Variants in RPL37 observed in about 807,000 individuals in gnomAD.
RPL37 encodes ribosomal protein L37.
In RPL37, 1 loss-of-function variant was observed where a neutral mutation model predicts 14.8. The observed-to-expected ratio is 0.07, with a 90% CI of 0.02 to 0.32. The LOEUF (loss-of-function observed/expected upper bound fraction) is 0.32, where lower values mean the gene tolerates loss of function less well. Ranked by LOEUF, RPL37 falls within the 10% of genes least tolerant of loss-of-function variation. The probability of loss-of-function intolerance (pLI) is 1.00; values close to 1 mark genes in which losing one functional copy is unlikely to be tolerated. For synonymous variants in RPL37, 53 were observed against 45.8 expected (o/e 1.16, Z -0.63); for missense variants, 100 against 128.3 (o/e 0.78, Z 1.06).
At position 40,830,027 on chromosome 5, in the gene RPL37, A is replaced by G. The variant is rs1002438167; in HGVS notation, c.*2477T>C. On this transcript the variant is annotated 3_prime_UTR_variant, in exon 4 of 4. Transcript: ENST00000274242. ...GTAACTTTACAGAACATAACCAGTTACATGTGGAAACAGGTAGTCTGCTTT... is the reference window on the plus strand; with the variant it reads ...GTAACTTTACAGAACATAACCAGTTGCATGTGGAAACAGGTAGTCTGCTTT... The G allele has an allele frequency of 2.0e-5, 3 of 152,108 alleles. No individual in the cohort carries two copies. Among genetic ancestry groups the G allele is most frequent in the African/African-American group, 7.2e-5 (3 of 41,418 alleles). 9.4% of individuals were successfully genotyped at this position (152,108 alleles called of 1,614,324 possible).
intron 3 of RPL37, among the ~76,000 whole-genome samples, chr5:40,833,588 C>G (rs937194460): frequency 1.3e-5 from 2 of 152,112 alleles, no homozygotes; most frequent in African/African-American, 4.8e-5. Flanking sequence ...GCACTCTTGC[C>G]CACAGCCACT....
intron 3 of RPL37, 67 bp from the exon 4 acceptor site, chr5:40,832,640 TA>T: frequency 8.3e-7 from 1 of 1,202,148 alleles, no homozygotes; most frequent in African/African-American, 1.5e-5. Flanking sequence ...TAATTTTTGT[TA>T]AACAGATTTC....
rs1745659148 is a variant in RPL37 at position 40,832,322 on chromosome 5, C to A, written c.*182G>T. Reference sequence around the variant, plus strand: ...CCTTTAACCGTGTTACAAACCCAGTCCAAAAGTAAACATTCCAAAACAGTC... The same window carrying A: ...CCTTTAACCGTGTTACAAACCCAGTACAAAAGTAAACATTCCAAAACAGTC... On this transcript the variant is annotated 3_prime_UTR_variant, in exon 4 of 4. Coordinates refer to ENST00000274242, the MANE Select transcript of RPL37 (RefSeq NM_000997.5). 1.5e-6 allele frequency: 1 copy of A among 651,456 alleles called. No homozygotes were observed. Among genetic ancestry groups the A allele is most frequent in the Non-Finnish European group, 2.8e-6 (1 of 354,068 alleles). 40.4% of individuals were successfully genotyped at this position (651,456 alleles called of 1,614,324 possible).
rs780365178 is a variant in RPL37, at chr5:40,832,646, G to A, written c.225-73C>T. ...CATACATTTTAATTTTTGTTAAACA[G>A]ATTTCAATGCGCTTATCTCAGTTAA... On this transcript the variant is annotated intron_variant, in intron 3 of 3. Coordinates refer to ENST00000274242, the MANE Select transcript of RPL37 (RefSeq NM_000997.5). The A allele has an allele frequency of 2.7e-6, 3 of 1,092,490 alleles. No individual in the cohort carries two copies. In the South Asian group the frequency reaches 3.7e-5, roughly 14 times the overall value. 67.7% of individuals were successfully genotyped at this position (1,092,490 alleles called of 1,614,324 possible). A position where few individuals can be genotyped will look rare whatever the true frequency, so the allele number is the denominator to read the frequency against.
At chr5:40,834,816 T>C (rs1484682793) in intron 1 of RPL37, among the ~76,000 whole-genome samples, 1 of 152,148 alleles carries the variant, frequency 6.6e-6, no homozygotes, top group Non-Finnish European at 1.5e-5. Context: ...TGTTCTGAAA[T>C]GCACCTTATC....
Position 40,834,556 on chromosome 5 carries a change from C to G in RPL37, c.54G>C (p.Leu18Phe). ...AGGCCTTAGAGCCACAGCGGCGGCA[C>G]AACGTGTGCGTCTTATTGCGACGCT... The part of the protein sequence containing the change: ...FGKRRNKTHT[L>F]CRRCGSKAYH... Residue 18 changes from leucine to phenylalanine, a missense_variant, in exon 2 of 4, where the codon TTG becomes TTC. Around this residue, in one of 2 missense-constraint regions of RPL37, gnomAD observed 26 missense variants for 58.3 expected, o/e 0.45. Coordinates refer to ENST00000274242, the MANE Select transcript of RPL37 (RefSeq NM_000997.5). 1 of 1,614,174 alleles carries G rather than the reference C, an allele frequency of 6.2e-7. No homozygotes were observed. Among genetic ancestry groups the G allele is most frequent in the Non-Finnish European group, 8.5e-7 (1 of 1,180,022 alleles).
In RPL37 at chr5:40,834,576, G is replaced by T; in HGVS notation, c.34C>A (p.Arg12Ser). Reference sequence around the variant, plus strand: ...CGGCACAACGTGTGCGTCTTATTGCGACGCTTTCCAAACGATGACGTTCCC... The same window carrying T: ...CGGCACAACGTGTGCGTCTTATTGCTACGCTTTCCAAACGATGACGTTCCC... ...TKGTSSFGKRRNKTHTLCRRC... is the reference protein window; with the variant it reads ...TKGTSSFGKRSNKTHTLCRRC... The change falls in exon 2 of 4, where the codon CGC (arginine) becomes AGC (serine). Residue 12 changes from arginine to serine, a missense_variant. Around this residue, in one of 2 missense-constraint regions of RPL37, gnomAD observed 26 missense variants for 58.3 expected, o/e 0.45. Coordinates refer to ENST00000274242, the MANE Select transcript of RPL37 (RefSeq NM_000997.5). 2 of 1,613,646 alleles carry T rather than the reference G, an allele frequency of 1.2e-6. No homozygotes were observed. Among genetic ancestry groups the T allele is most frequent in the Non-Finnish European group, 1.7e-6 (2 of 1,179,882 alleles).
chr5:40,833,481 C>T (rs1246956025), intron 3 of RPL37, among the ~76,000 whole-genome samples: 1 of 152,182 alleles, frequency 6.6e-6, no homozygotes, highest in African/African-American at 2.4e-5. Context: ...TCAGCTAAGT[C>T]TACGGCGGAG....
chr5:40,825,299 C>A lies in RPL37; in HGVS notation c.*7205G>T, dbSNP rs1745487813. ...ATATCTTTATTAAAGAAATGCATTC[C>A]AGCAACACTGTCAGCATCTTTATTA... On this transcript the variant is annotated 3_prime_UTR_variant, in exon 4 of 4. Coordinates refer to ENST00000274242, the MANE Select transcript of RPL37 (RefSeq NM_000997.5). 1.3e-5 allele frequency: 2 copies of A among 152,118 alleles called. No individual in the cohort carries two copies. Among genetic ancestry groups the A allele is most frequent in the African/African-American group, 4.8e-5 (2 of 41,408 alleles). The allele number at this position is 152,118 out of a possible 1,614,324, so 9.4% of individuals were successfully genotyped here. A position where few individuals can be genotyped will look rare whatever the true frequency, so the allele number is the denominator to read the frequency against.
In RPL37 at chr5:40,831,107, A is replaced by C. The variant is rs1316916162; in HGVS notation, c.*1397T>G. The C allele has an allele frequency of 6.6e-6, 1 of 152,020 alleles. No individual in the cohort carries two copies. The highest frequency in any genetic ancestry group is 2.4e-5 in the African/African-American group (1 of 41,400). The allele number at this position is 152,020 out of a possible 1,614,324, so 9.4% of individuals were successfully genotyped here. A position where few individuals can be genotyped will look rare whatever the true frequency, so the allele number is the denominator to read the frequency against. On this transcript the variant is annotated 3_prime_UTR_variant, in exon 4 of 4. Transcript: ENST00000274242. ...GAATACAAAAAGAATTAGTCGAGTG[A>C]ATCTCCATCTCTACAAAAAACACAA... is the stretch of plus-strand genomic sequence containing the variant.
intron 1 of RPL37, among the ~76,000 whole-genome samples, 175 bp from the exon 2 acceptor site, chr5:40,834,781 C>T (rs1745729172): frequency 6.6e-6 from 1 of 152,216 alleles, no homozygotes; most frequent in Non-Finnish European, 1.5e-5. Flanking sequence ...TTCACGTTAC[C>T]TAAAACCCTC....
intron 3 of RPL37, among the ~76,000 whole-genome samples, chr5:40,833,726 T>C (rs1437819423): frequency 6.8e-6 from 1 of 147,818 alleles, no homozygotes; most frequent in Non-Finnish European, 1.5e-5. Flanking sequence ...TCCTGTTATT[T>C]AATTTATACT....
In RPL37 at chr5:40,828,089, T is replaced by C. The variant is rs1745556101; in HGVS notation, c.*4415A>G. Reference sequence around the variant, plus strand: ...GCTTTGCTTTTCTTACATGAAGTTATGCTATTACAAAATTAAGTTTCAATT... The same window carrying C: ...GCTTTGCTTTTCTTACATGAAGTTACGCTATTACAAAATTAAGTTTCAATT... On this transcript the variant is annotated 3_prime_UTR_variant, in exon 4 of 4. Coordinates refer to ENST00000274242, the MANE Select transcript of RPL37 (RefSeq NM_000997.5). The C allele has an allele frequency of 6.6e-6, 1 of 152,226 alleles. No individual in the cohort carries two copies. The highest frequency in any genetic ancestry group is 1.5e-5 in the Non-Finnish European group (1 of 68,046). The allele number at this position is 152,226 out of a possible 1,614,324, so 9.4% of individuals were successfully genotyped here. A position where few individuals can be genotyped will look rare whatever the true frequency, so the allele number is the denominator to read the frequency against.
rs1002500889 is a variant in RPL37 at position 40,827,955 on chromosome 5, T to C, written c.*4549A>G. 5.5e-5 allele frequency: 4 copies of C among 72,596 alleles called. No homozygotes were observed. Among genetic ancestry groups the C allele is most frequent in the Non-Finnish European group, 1.2e-4 (4 of 33,020 alleles). The allele number at this position is 72,596 out of a possible 1,614,324, so 4.5% of individuals were successfully genotyped here. On this transcript the variant is annotated 3_prime_UTR_variant, in exon 4 of 4. Coordinates refer to ENST00000274242, the MANE Select transcript of RPL37 (RefSeq NM_000997.5). ...TCTTGTATTATGATCCAAACTCCTT[T>C]GTTTAAAAAAAAATAAAACACCTAA... is the stretch of plus-strand genomic sequence containing the variant.
chr5:40,829,349 A>G lies in RPL37; in HGVS notation c.*3155T>C, dbSNP rs901556978. The G allele has an allele frequency of 1.3e-5, 2 of 152,204 alleles. No individual in the cohort carries two copies. The highest frequency in any genetic ancestry group is 4.8e-5 in the African/African-American group (2 of 41,448). 9.4% of individuals were successfully genotyped at this position (152,204 alleles called of 1,614,324 possible). A position where few individuals can be genotyped will look rare whatever the true frequency, so the allele number is the denominator to read the frequency against. On this transcript the variant is annotated 3_prime_UTR_variant, in exon 4 of 4. Coordinates refer to ENST00000274242, the MANE Select transcript of RPL37 (RefSeq NM_000997.5). ...AACTATTCCTAACATTCTGGTTTAA[A>G]TCCTCTGTAATTTCTCAAGACAAAT...
In RPL37 at chr5:40,827,724, CCTTT is replaced by C. The variant is rs1745548409; in HGVS notation, c.*4776_*4779del. The C allele has an allele frequency of 6.6e-6, 1 of 151,260 alleles. No homozygotes were observed. Among genetic ancestry groups the C allele is most frequent in the African/African-American group, 2.4e-5 (1 of 41,068 alleles). The allele number at this position is 151,260 out of a possible 1,614,324, so 9.4% of individuals were successfully genotyped here. On this transcript the variant is annotated 3_prime_UTR_variant, in exon 4 of 4. Transcript: ENST00000274242. ...CAAGGAAGATTTTGCTTAAGTCCTT[CCTTT>C]ATCCTTTTTTTTTTTTGAGATGGAG...
intron 3 of RPL37, 161 bp downstream of exon 3, chr5:40,834,020 G>A: frequency 1.6e-6 from 1 of 622,864 alleles, no homozygotes; most frequent in Non-Finnish European, 2.8e-6. Context: ...ACTCAAGCCT[G>A]GGCAACATAG....
intron 3 of RPL37, 133 bp from the exon 4 acceptor site, chr5:40,832,706 C>A (rs767550405): frequency 2.5e-6 from 2 of 785,970 alleles, no homozygotes; most frequent in Non-Finnish European, 4.7e-6. Flanking sequence ...TATGTTCAGA[C>A]ATTTATTTTT....
intron 1 of RPL37, 32 bp downstream of exon 1, chr5:40,835,151 C>G (rs1474207566): frequency 1.9e-6 from 3 of 1,614,002 alleles, no homozygotes; most frequent in Non-Finnish European, 2.5e-6. Context: ...GAGGATGGAA[C>G]GCGATTCACA....
Sources: gnomAD v4.1 joint callset for allele counts (sites outside exome capture counted in the v4.1 genomes callset) on GRCh38, gnomAD v4.1.1 for gene constraint, gnomAD v4.1.1 regional missense constraint, MANE v1.5 for transcripts, NCBI Gene and HGNC (gene_info 2026-07-23, HGNC 2026-07-21) for gene names.